Variants in FAM193A observed in about 807,000 individuals in gnomAD.
FAM193A encodes the protein protein FAM193A.
In FAM193A, 22 loss-of-function variants were observed where a neutral mutation model predicts 126.5. The observed-to-expected ratio is 0.17, with a 90% CI of 0.12 to 0.25. The LOEUF (loss-of-function observed/expected upper bound fraction) is 0.25, where lower values mean the gene tolerates loss of function less well. Ranked by LOEUF, FAM193A falls within the 10% of genes least tolerant of loss-of-function variation. FAM193A has a pLI of 1.00. For synonymous variants in FAM193A, 761 were observed against 646.8 expected, an observed-to-expected ratio of 1.18 and a Z score of -2.68; for missense variants, 1,675 against 1,672.8, an observed-to-expected ratio of 1.00 and a Z score of -0.02.
chr4:2,663,612 T>C (rs562952239), intron 12 of FAM193A, among the ~76,000 whole-genome samples: 1 of 152,336 alleles, frequency 6.6e-6, no homozygotes, highest in East Asian at 1.9e-4. Flanking sequence ...TGTTCTTCTG[T>C]TAGCCAAAGG....
At chr4:2,568,759 G>A (rs1196546912) in intron 1 of FAM193A, among the ~76,000 whole-genome samples, 1 of 152,110 alleles carries the variant, frequency 6.6e-6, no homozygotes. Context: ...TCTTAGTAAC[G>A]ATTGCTTGAA....
intron 20 of FAM193A, among the ~76,000 whole-genome samples, chr4:2,724,700 AC>A (rs995002527): frequency 6.6e-6 from 1 of 152,090 alleles, no homozygotes; most frequent in Non-Finnish European, 1.5e-5. Context: ...ATAGAGTGAG[AC>A]CCTGTCTCAA....
chr4:2,695,040 G>A lies in FAM193A; in HGVS notation c.3187G>A (p.Glu1063Lys), dbSNP rs1716879814. The stretch of plus-strand genomic sequence containing the variant: ...GAGTGCAGATGAGGACAGCTGCTCT[G>A]AGCACAGCTCCAGCACCTCGACCTC... Reference protein sequence around the residue: ...DESADEDSCSEHSSSTSTSTN... With the variant: ...DESADEDSCSKHSSSTSTSTN... Residue 1063 changes from glutamate (E) to lysine (K), a missense_variant, in exon 17 of 21, where the codon GAG becomes AAG. Physicochemically the swap from Glu to Lys is moderately conservative, Grantham distance 56. This residue lies in a region of FAM193A where 54 missense variants were observed against 114.8 expected (regional missense o/e 0.47). Coordinates refer to ENST00000637812, the MANE Select transcript of FAM193A (RefSeq NM_001366318.2). The A allele has an allele frequency of 6.2e-7, 1 of 1,609,848 alleles. No individual in the cohort carries two copies. The highest frequency in any genetic ancestry group is 1.7e-5 in the Admixed American group (1 of 59,278).
chr4:2,706,185 T>G (rs2109332941), intron 19 of FAM193A, among the ~76,000 whole-genome samples: 1 of 152,186 alleles, frequency 6.6e-6, no homozygotes, highest in Non-Finnish European at 1.5e-5. Context: ...TCTAGACTGG[T>G]CTATAATGAG....
chr4:2,633,405 A>G (rs944306880), intron 5 of FAM193A, among the ~76,000 whole-genome samples: 13 of 152,074 alleles, frequency 8.5e-5, no homozygotes, highest in Non-Finnish European at 1.5e-4. Flanking sequence ...TCTCACACAC[A>G]AAACAAAACA....
intron 12 of FAM193A, among the ~76,000 whole-genome samples, chr4:2,671,684 C>G (rs1466977471): frequency 1.3e-5 from 2 of 152,200 alleles, no homozygotes; most frequent in African/African-American, 2.4e-5. Context: ...AGCCACTGAC[C>G]TCTTCACTCC....
chr4:2,730,934 C>T (rs984533710), intron 20 of FAM193A, among the ~76,000 whole-genome samples: 5 of 151,906 alleles, frequency 3.3e-5, no homozygotes, highest in East Asian at 1.9e-4. Context: ...CAGTGGCTCA[C>T]GCCTGTAATC....
chr4:2,636,080 A>G (rs1032870068), intron 5 of FAM193A, among the ~76,000 whole-genome samples: 3 of 146,472 alleles, frequency 2.0e-5, no homozygotes, highest in Non-Finnish European at 4.5e-5. Context: ...ACAGAGTCTC[A>G]CTCTGTCTCA....
chr4:2,574,774 AAATT>A (rs1193764711), intron 1 of FAM193A, among the ~76,000 whole-genome samples: 5 of 152,260 alleles, frequency 3.3e-5, no homozygotes, highest in East Asian at 1.9e-4. Flanking sequence ...TAATCATTTT[AAATT>A]AATTAAAAAG....
At chr4:2,558,711 C>T (rs940873463) in intron 1 of FAM193A, among the ~76,000 whole-genome samples, 2 of 152,068 alleles carry the variant, frequency 1.3e-5, no homozygotes, top group Non-Finnish European at 2.9e-5. Context: ...TAAAAGCACA[C>T]AAAATCAGGC....
chr4:2,707,399 T>C (rs1718428098), intron 19 of FAM193A, among the ~76,000 whole-genome samples: 1 of 152,212 alleles, frequency 6.6e-6, no homozygotes, highest in Admixed American at 6.6e-5. Flanking sequence ...TTTATAATTC[T>C]GAACTATCCA....
At chr4:2,665,892 G>A (rs540447500) in intron 12 of FAM193A, among the ~76,000 whole-genome samples, 14 of 152,156 alleles carry the variant, frequency 9.2e-5, no homozygotes, top group Non-Finnish European at 2.1e-4. Flanking sequence ...TGTTGCCCAG[G>A]CTGGTGTGCA....
chr4:2,553,381 TG>T lies in FAM193A; in HGVS notation c.255+16212del, dbSNP rs370619846. Among the ~76,000 whole-genome samples the T allele has an allele frequency of 8.9e-3, 1,032 of 115,858 alleles. 18 individuals are homozygous for T. The highest frequency in any genetic ancestry group is 0.06 in the Middle Eastern group (12 of 200). The allele number at this position is 115,858 out of a possible 152,430, so 76.0% of individuals were successfully genotyped here. A position where few individuals can be genotyped will look rare whatever the true frequency, so the allele number is the denominator to read the frequency against. On this transcript the variant is annotated intron_variant, in intron 1 of 20. Transcript: ENST00000637812. Reference sequence around the variant, plus strand: ...GTAAAGTTCTAATTTCCCTTCTTTTTGTTTTTTTTTTTTTTTTTGAGGCGGA... The same window carrying T: ...GTAAAGTTCTAATTTCCCTTCTTTTTTTTTTTTTTTTTTTTTTGAGGCGGA...
At chr4:2,677,701 A>G (rs913051910) in intron 13 of FAM193A, among the ~76,000 whole-genome samples, 1 of 148,794 alleles carries the variant, frequency 6.7e-6, no homozygotes, top group African/African-American at 2.5e-5. Context: ...AGATCGCGCC[A>G]TTGCACTCCA....
At chr4:2,691,032 C>T (rs1370683920) in intron 15 of FAM193A, 62 bp downstream of exon 15, 16 of 1,472,640 alleles carry the variant, frequency 1.1e-5, no homozygotes, top group African/African-American at 1.4e-5. Context: ...ACTGACTTCT[C>T]GTCTTTGTAA....
chr4:2,537,921 C>G (rs75804992), intron 1 of FAM193A, among the ~76,000 whole-genome samples: 4,313 of 152,186 alleles, frequency 0.028, 219 homozygotes, highest in African/African-American at 0.098. Context: ...AGACAGCTAG[C>G]ACACATTGCA....
intron 7 of FAM193A, among the ~76,000 whole-genome samples, chr4:2,655,472 G>A (rs946605688): frequency 2.6e-5 from 4 of 151,708 alleles, no homozygotes; most frequent in Non-Finnish European, 5.9e-5. Context: ...TGTGTATTCG[G>A]ACAGCTATAT....
intron 2 of FAM193A, among the ~76,000 whole-genome samples, chr4:2,600,319 C>G (rs1326261443): frequency 1.3e-5 from 2 of 152,226 alleles, no homozygotes; most frequent in Admixed American, 1.3e-4. Flanking sequence ...CACTGTGGCT[C>G]TTCCGTGGCT....
chr4:2,567,306 T>A (rs979654982), intron 1 of FAM193A, among the ~76,000 whole-genome samples: 1 of 152,114 alleles, frequency 6.6e-6, no homozygotes. Flanking sequence ...CATAATTGAT[T>A]GATGAGATTG....
Sources: allele counts gnomAD v4.1 joint callset (sites outside exome capture counted in the v4.1 genomes callset), GRCh38; gene constraint gnomAD v4.1.1; regional missense constraint gnomAD v4.1.1; transcripts MANE v1.5; gene names NCBI Gene and HGNC (gene_info 2026-07-23, HGNC 2026-07-21).